The following GOLGA8T variants were observed in gnomAD, a reference collection of about 807,000 sequenced individuals.
GOLGA8T encodes golgin subfamily A member 8T.
A neutral mutation model predicts 52.0 loss-of-function variants in GOLGA8T; 17 were observed. That is an observed-to-expected ratio of 0.33 (90% CI 0.22 to 0.49). GOLGA8T has a LOEUF of 0.49. Among genes scored for constraint, GOLGA8T ranks in the 20% least tolerant of loss-of-function variants. GOLGA8T has a pLI of 0.99. For synonymous variants in GOLGA8T, 67 were observed against 169.5 expected (o/e 0.40, Z 4.70); for missense variants, 154 against 462.1 (o/e 0.33, Z 6.11).
chr15:30,136,754 T>C (rs1393045809), intron 1 of GOLGA8T, 112 bp from the exon 2 acceptor site: 1 of 591,694 alleles, frequency 1.7e-6, no homozygotes, highest in African/African-American at 1.9e-5. Flanking sequence ...GTACAGTTGT[T>C]GGTGTCATTA....
At chr15:30,142,466 G>C (rs2057758079) in intron 13 of GOLGA8T, 84 bp downstream of exon 13, 2 of 1,568,066 alleles carry the variant, frequency 1.3e-6, no homozygotes, top group Admixed American at 1.8e-5. Context: ...TACGAGGCCA[G>C]AGGCAGCTTC....
chr15:30,145,623 T>C lies in GOLGA8T; in HGVS notation c.*56T>C. 3.4e-6 allele frequency: 3 copies of C among 888,622 alleles called. No individual in the cohort carries two copies. In the South Asian group the frequency reaches 5.0e-5, roughly 15 times the overall value. 55.0% of individuals were successfully genotyped at this position (888,622 alleles called of 1,614,324 possible). A position where few individuals can be genotyped will look rare whatever the true frequency, so the allele number is the denominator to read the frequency against. On this transcript the variant is annotated 3_prime_UTR_variant, in exon 19 of 19. Coordinates refer to ENST00000569052, the MANE Select transcript of GOLGA8T (RefSeq NM_001355469.2). ...AATTTTTAAATAAGAAACCAAGTTA[T>C]GGGGTTAATCTCCTACACAATTCAT...
rs936089327 is a variant in GOLGA8T, at chr15:30,144,874, T to A, written c.1464T>A (p.His488Gln). 27 of 1,587,012 alleles carry A rather than the reference T, an allele frequency of 1.7e-5. 2 individuals are homozygous for A. In the South Asian group the frequency reaches 2.8e-4, roughly 16 times the overall value. ...TCCACCACTGGCGAGACAGACGCCATCAGTGAGTGGGAGGCCAGGGCACGG... is the reference window on the plus strand; with the variant it reads ...TCCACCACTGGCGAGACAGACGCCAACAGTGAGTGGGAGGCCAGGGCACGG... ...CFIHHWRDRR[H>Q]QKTHHLLSEP... The change falls in exon 16 of 19, where the codon CAT becomes CAA. Residue 488 changes from histidine to glutamine, a missense_variant and splice_region_variant. By Grantham distance (24) the His-to-Gln change is conservative. Coordinates refer to ENST00000569052, the MANE Select transcript of GOLGA8T (RefSeq NM_001355469.2).
At chr15:30,140,805 C>T in intron 8 of GOLGA8T, 37 bp from the exon 9 acceptor site, 1 of 1,441,972 alleles carries the variant, frequency 6.9e-7, no homozygotes, top group Non-Finnish European at 9.5e-7. Context: ...AATGCCCAGG[C>T]TCTCCAGATT....
At position 30,142,389 on chromosome 15, in the gene GOLGA8T, G is replaced by A. The variant is rs1395445436; in HGVS notation, c.1200+7G>A. 121 of 1,562,912 alleles carry A rather than the reference G, an allele frequency of 7.7e-5. 7 individuals are homozygous for A. The highest frequency in any genetic ancestry group is 9.4e-5 in the Non-Finnish European group (109 of 1,165,486). On this transcript the variant is annotated splice_region_variant and intron_variant, in intron 13 of 18. Coordinates refer to ENST00000569052, the MANE Select transcript of GOLGA8T (RefSeq NM_001355469.2). ...ACAGGAGAAGCTTGGCGAGGTGAAG[G>A]AGACGGAAACCTCCACCCCATCCAA...
Position 30,144,997 on chromosome 15 carries a change from C to T in GOLGA8T, c.1505C>T (p.Ala502Val), listed in dbSNP as rs772745943. 7.2e-7 allele frequency: 1 copy of T among 1,396,766 alleles called. No individual in the cohort carries two copies. The allele number at this position is 1,396,766 out of a possible 1,614,324, so 86.5% of individuals were successfully genotyped here. Residue 502 changes from alanine (A) to valine (V), a missense_variant, in exon 17 of 19, where the codon GCC (alanine) becomes GTC (valine). Ala to Val is a moderately conservative substitution (Grantham distance 64). Coordinates refer to ENST00000569052, the MANE Select transcript of GOLGA8T (RefSeq NM_001355469.2). ...HHLLSEPGGC[A>V]KDAALGGGHH... ...CTTTTATCAGAACCAGGGGGCTGTG[C>T]CAAAGATGCGGCACTGGGAGGAGGA...
In GOLGA8T at chr15:30,142,512, G is replaced by T; in HGVS notation, c.1200+130G>T. On this transcript the variant is annotated intron_variant, in intron 13 of 18. Coordinates refer to ENST00000569052, the MANE Select transcript of GOLGA8T (RefSeq NM_001355469.2). The stretch of plus-strand genomic sequence containing the variant: ...GCTGGTGACCACAGCACCCCCCAGG[G>T]CAGTCCTGTTTCTTGCTTCCTGCCT... The T allele has an allele frequency of 6.6e-6, 10 of 1,505,554 alleles. 1 individual carries two copies. The South Asian group carries it at 1.2e-4, about 18-fold the overall frequency. The allele number at this position is 1,505,554 out of a possible 1,614,324, so 93.3% of individuals were successfully genotyped here. A position where few individuals can be genotyped will look rare whatever the true frequency, so the allele number is the denominator to read the frequency against.
intron 8 of GOLGA8T, among the ~76,000 whole-genome samples, 182 bp from the exon 9 acceptor site, chr15:30,140,660 A>G (rs4042385): frequency 1.4e-5 from 2 of 145,482 alleles, no homozygotes; most frequent in Non-Finnish European, 3.0e-5. Context: ...TATAAATTCA[A>G]TCTCATTCCC....
chr15:30,140,743 C>T (rs1016387014), intron 8 of GOLGA8T, 99 bp from the exon 9 acceptor site: 22 of 895,896 alleles, frequency 2.5e-5, no homozygotes, highest in Admixed American at 6.4e-5. Flanking sequence ...TCTTTACTGA[C>T]CGAGTTGTAT....
At chr15:30,141,188 ATCTT>A (rs1469666398) in intron 10 of GOLGA8T, 46 bp downstream of exon 10, 2 of 1,071,744 alleles carry the variant, frequency 1.9e-6, no homozygotes, top group African/African-American at 5.8e-5. Flanking sequence ...AGGTCACTGG[ATCTT>A]TCTGGTCATC....
chr15:30,145,590 G>A lies in GOLGA8T; in HGVS notation c.*23G>A, dbSNP rs2057819001. 7.4e-7 allele frequency: 1 copy of A among 1,352,694 alleles called. No homozygotes were observed. The highest frequency in any genetic ancestry group is 2.3e-5 in the East Asian group (1 of 42,658). 83.8% of individuals were successfully genotyped at this position (1,352,694 alleles called of 1,614,324 possible). On this transcript the variant is annotated 3_prime_UTR_variant, in exon 19 of 19. Transcript: ENST00000569052. Reference sequence around the variant, plus strand: ...TAAACATCACCATCCTCAAAGAGCTGCTCAAGAAATTTTTAAATAAGAAAC... The same window carrying A: ...TAAACATCACCATCCTCAAAGAGCTACTCAAGAAATTTTTAAATAAGAAAC...
Position 30,148,678 on chromosome 15 carries a change from A to T in GOLGA8T, c.*3111A>T, listed in dbSNP as rs1475863794. ...GAATGTGTCATGGAAATACTGAAAGATTTTTCCCTAGAGTGGCCTTATTGA... is the reference window on the plus strand; with the variant it reads ...GAATGTGTCATGGAAATACTGAAAGTTTTTTCCCTAGAGTGGCCTTATTGA... On this transcript the variant is annotated 3_prime_UTR_variant, in exon 19 of 19. Transcript: ENST00000569052. Among the ~76,000 whole-genome samples the T allele has an allele frequency of 6.8e-6, 1 of 146,090 alleles. No individual in the cohort carries two copies. The highest frequency in any genetic ancestry group is 1.5e-5 in the Non-Finnish European group (1 of 67,176).
chr15:30,144,610 G>A (rs1458002681), intron 15 of GOLGA8T, among the ~76,000 whole-genome samples, 169 bp from the exon 16 acceptor site: 1 of 125,256 alleles, frequency 8.0e-6, no homozygotes, highest in Non-Finnish European at 1.6e-5. Flanking sequence ...AGGCCCTGGA[G>A]CCCCAGGGCC....
Position 30,142,391 on chromosome 15 carries a change from G to A in GOLGA8T, c.1200+9G>A, listed in dbSNP as rs752923667. The A allele has an allele frequency of 1.0e-5, 16 of 1,564,064 alleles. No individual in the cohort carries two copies. The highest frequency in any genetic ancestry group is 1.4e-5 in the Non-Finnish European group (16 of 1,166,088). The stretch of plus-strand genomic sequence containing the variant: ...AGGAGAAGCTTGGCGAGGTGAAGGA[G>A]ACGGAAACCTCCACCCCATCCAAGA... On this transcript the variant is annotated intron_variant, in intron 13 of 18. Coordinates refer to ENST00000569052, the MANE Select transcript of GOLGA8T (RefSeq NM_001355469.2).
intron 16 of GOLGA8T, 30 bp from the exon 17 acceptor site, chr15:30,144,929 C>G (rs767503274): frequency 5.8e-6 from 9 of 1,554,758 alleles, no homozygotes; most frequent in East Asian, 2.3e-5. Context: ...GTCGGAGGGG[C>G]CCCAGCGTCT....
intron 8 of GOLGA8T, 135 bp from the exon 9 acceptor site, chr15:30,140,707 A>C: frequency 2.5e-6 from 2 of 789,050 alleles, no homozygotes; most frequent in East Asian, 2.7e-5. Context: ...TTTAAAAACC[A>C]GACCACGGGC....
Position 30,146,873 on chromosome 15 carries a change from C to G in GOLGA8T, c.*1306C>G, listed in dbSNP as rs2057833182. Among the ~76,000 whole-genome samples, 2 of 125,018 alleles carry G rather than the reference C, an allele frequency of 1.6e-5. 1 individual carries two copies. The highest frequency in any genetic ancestry group is 3.0e-5 in the Non-Finnish European group (2 of 66,024). 82.0% of individuals were successfully genotyped at this position (125,018 alleles called of 152,430 possible). On this transcript the variant is annotated 3_prime_UTR_variant, in exon 19 of 19. Coordinates refer to ENST00000569052, the MANE Select transcript of GOLGA8T (RefSeq NM_001355469.2). The stretch of plus-strand genomic sequence containing the variant: ...ATATATGTGAGATACTTAGTTGAAA[C>G]AAAAAGGAGTTTTAGTAGATGGTAT...
At position 30,142,325 on chromosome 15, in the gene GOLGA8T, C is replaced by A. The variant is rs563458388; in HGVS notation, c.1143C>A (p.Asn381Lys). The change falls in exon 13 of 19, where the codon AAC becomes AAA. Residue 381 changes from asparagine to lysine, a missense_variant. Coordinates refer to ENST00000569052, the MANE Select transcript of GOLGA8T (RefSeq NM_001355469.2). ...TTCTCTCTGTCCAGAACAATGAGAACAAGAACGCACTGCAGTTGGAGCAGC... is the reference window on the plus strand; with the variant it reads ...TTCTCTCTGTCCAGAACAATGAGAAAAAGAACGCACTGCAGTTGGAGCAGC... ...QSVFEEPNNE[N>K]KNALQLEQQV... 3.3e-6 allele frequency: 5 copies of A among 1,537,002 alleles called. No individual in the cohort carries two copies. The highest frequency in any genetic ancestry group is 4.7e-5 in the East Asian group (2 of 42,136).
chr15:30,140,726 G>A (rs2057731511), intron 8 of GOLGA8T, 116 bp from the exon 9 acceptor site: 3 of 802,286 alleles, frequency 3.7e-6, no homozygotes, highest in Non-Finnish European at 6.1e-6. Flanking sequence ...GCTTGGAAAT[G>A]CCTTGATCTT....
Sources: gnomAD v4.1 joint callset for allele counts (sites outside exome capture counted in the v4.1 genomes callset) on GRCh38, gnomAD v4.1.1 for gene constraint, MANE v1.5 for transcripts, NCBI Gene and HGNC (gene_info 2026-07-23, HGNC 2026-07-21) for gene names.